GBE1: variants seen among roughly 807,000 people sequenced by gnomAD.
The protein encoded by GBE1 is 1,4-alpha-glucan branching enzyme 1, also known as 1,4-alpha-glucan-branching enzyme.
In GBE1, 70 loss-of-function variants were observed where a neutral mutation model predicts 88.8. That is an observed-to-expected ratio of 0.79 (90% confidence interval 0.65 to 0.96). GBE1 has a LOEUF of 0.96. GBE1 is among the 40% of genes least tolerant of loss of function. GBE1 has a pLI of 0.00. For synonymous variants in GBE1, 284 were observed against 300.1 expected (o/e 0.95, Z 0.56); for missense variants, 872 against 871.0 (o/e 1.00, Z -0.01).
chr3:81,616,330 A>C (rs1442376725), intron 7 of GBE1, among the ~76,000 whole-genome samples: 2 of 152,076 alleles, frequency 1.3e-5, no homozygotes, highest in Non-Finnish European at 2.9e-5. Flanking sequence ...TATTTTTCTA[A>C]CATTTTCACA....
chr3:81,682,940 C>T (rs1255119493), intron 2 of GBE1, among the ~76,000 whole-genome samples: 2 of 152,176 alleles, frequency 1.3e-5, no homozygotes, highest in South Asian at 2.1e-4. Context: ...TACTAATACA[C>T]ACTACAACAT....
intron 6 of GBE1, 81 bp from the exon 7 acceptor site, chr3:81,643,071 T>C (rs1201522821): frequency 8.9e-6 from 8 of 900,370 alleles, no homozygotes; most frequent in Non-Finnish European, 1.3e-5. Flanking sequence ...TGTTTCACCA[T>C]CGCAGTACTA....
At chr3:81,702,096 AGAGAGAGTGTGT>A (rs1559692755) in intron 2 of GBE1, among the ~76,000 whole-genome samples, 1 of 34,896 alleles carries the variant, frequency 2.9e-5, no homozygotes, top group Non-Finnish European at 5.2e-5. Context: ...AGAGAGAGAG[AGAGAGAGTGTGT>A]GTGTGTGTGT....
At chr3:81,610,029 C>T (rs1481795617) in intron 7 of GBE1, among the ~76,000 whole-genome samples, 1 of 152,102 alleles carries the variant, frequency 6.6e-6, no homozygotes, top group African/African-American at 2.4e-5. Context: ...GCAATAGGCA[C>T]AGAAACATGT....
At chr3:81,724,238 A>G (rs1706077625) in intron 1 of GBE1, among the ~76,000 whole-genome samples, 1 of 152,232 alleles carries the variant, frequency 6.6e-6, no homozygotes, top group African/African-American at 2.4e-5. Flanking sequence ...GTTTATCTTT[A>G]AAATATTTTA....
intron 1 of GBE1, among the ~76,000 whole-genome samples, chr3:81,742,066 C>T (rs1706357355): frequency 6.6e-6 from 1 of 151,762 alleles, no homozygotes; most frequent in Non-Finnish European, 1.5e-5. Context: ...GACTTCCCCC[C>T]ATTAAAAACC....
chr3:81,680,494 C>CAA (rs10711455), intron 2 of GBE1, among the ~76,000 whole-genome samples: 20 of 94,656 alleles, frequency 2.1e-4, no homozygotes, highest in African/African-American at 5.9e-4. Context: ...GACTCCGTCT[C>CAA]AAAAAAAAAA....
intron 3 of GBE1, among the ~76,000 whole-genome samples, chr3:81,666,504 T>C (rs1705116078): frequency 6.6e-6 from 1 of 152,176 alleles, no homozygotes; most frequent in Non-Finnish European, 1.5e-5. Flanking sequence ...CCTGTTGTTT[T>C]CCACACATCC....
intron 1 of GBE1, among the ~76,000 whole-genome samples, chr3:81,717,697 G>T (rs1705958915): frequency 6.6e-6 from 1 of 152,068 alleles, no homozygotes; most frequent in East Asian, 1.9e-4. Context: ...TCTACAAAAT[G>T]AAGAAGTTGA....
chr3:81,756,868 CA>C (rs1398728986), intron 1 of GBE1, among the ~76,000 whole-genome samples: 3 of 152,114 alleles, frequency 2.0e-5, no homozygotes, highest in Non-Finnish European at 4.4e-5. Context: ...AGCTGATACT[CA>C]AACATTTGTT....
chr3:81,660,088 C>T (rs1017334821), intron 3 of GBE1, among the ~76,000 whole-genome samples: 3 of 152,010 alleles, frequency 2.0e-5, no homozygotes, highest in African/African-American at 7.2e-5. Flanking sequence ...AATAAGAAAG[C>T]GATGAAATAG....
rs369068985 is a variant in GBE1 at position 81,612,635 on chromosome 3, T to C, written c.993-18612A>G. ...CTGAAAAAGTGGTTGGCGGAGTTTG[T>C]TACATTTCTATTCGACTTTCAAAAT... On this transcript the variant is annotated intron_variant, in intron 7 of 15. Transcript: ENST00000429644. 1.3e-4 allele frequency: 77 copies of C among 585,006 alleles called. No individual in the cohort carries two copies. The African/African-American group carries it at 1.4e-3, about 10-fold the overall frequency. 36.2% of individuals were successfully genotyped at this position (585,006 alleles called of 1,614,324 possible). A position where few individuals can be genotyped will look rare whatever the true frequency, so the allele number is the denominator to read the frequency against.
intron 14 of GBE1, 139 bp from the exon 15 acceptor site, chr3:81,499,366 T>C: frequency 4.4e-6 from 3 of 676,400 alleles, no homozygotes; most frequent in South Asian, 1.7e-5. Context: ...TCTTCTTTTA[T>C]AGTTTTATGT....
At position 81,586,193 on chromosome 3, in the gene GBE1, A is replaced by G. The variant is rs758488317; in HGVS notation, c.1237-3T>C. 2 of 1,574,738 alleles carry G rather than the reference A, an allele frequency of 1.3e-6. No individual in the cohort carries two copies. Among genetic ancestry groups the G allele is most frequent in the East Asian group, 2.3e-5 (1 of 43,926 alleles). ...AGAGCTGGCATTCCTGATACATCCT[A>G]CAACAAAGAACGTCGGTTCATAATG... is the stretch of plus-strand genomic sequence containing the variant. On this transcript the variant is annotated splice_region_variant and splice_polypyrimidine_tract_variant and intron_variant, in intron 9 of 15. Transcript: ENST00000429644.
intron 7 of GBE1, among the ~76,000 whole-genome samples, chr3:81,623,123 A>T (rs1299335440): frequency 6.6e-6 from 1 of 152,220 alleles, no homozygotes; most frequent in Non-Finnish European, 1.5e-5. Flanking sequence ...ATAAAACAGA[A>T]GAAAACTGAA....
intron 7 of GBE1, among the ~76,000 whole-genome samples, chr3:81,619,108 AATC>A (rs1453989262): frequency 1.3e-5 from 2 of 152,166 alleles, no homozygotes; most frequent in Non-Finnish European, 2.9e-5. Context: ...TCTCTGGTAA[AATC>A]ATCAATAATA....
At chr3:81,555,962 T>C (rs34674953) in intron 12 of GBE1, among the ~76,000 whole-genome samples, 3 of 151,968 alleles carry the variant, frequency 2.0e-5, no homozygotes, top group African/African-American at 7.2e-5. Flanking sequence ...CCAATATAAA[T>C]AGTCTCTTTT....
chr3:81,501,217 G>C (rs1403267313), intron 14 of GBE1, among the ~76,000 whole-genome samples: 2 of 152,176 alleles, frequency 1.3e-5, no homozygotes, highest in Non-Finnish European at 2.9e-5. Flanking sequence ...TTGTGCCGGG[G>C]GCAGTAAATT....
chr3:81,602,885 C>T (rs981147995), intron 7 of GBE1, among the ~76,000 whole-genome samples: 1 of 152,154 alleles, frequency 6.6e-6, no homozygotes, highest in Admixed American at 6.5e-5. Flanking sequence ...CAGCAGCACA[C>T]ATATCTAGAA....
Sources: allele counts gnomAD v4.1 joint callset (sites outside exome capture counted in the v4.1 genomes callset), GRCh38; gene constraint gnomAD v4.1.1; transcripts MANE v1.5; gene names NCBI Gene and HGNC (gene_info 2026-07-23, HGNC 2026-07-21).